The following HMGN5 variants were observed in gnomAD, a reference collection of about 807,000 sequenced individuals.
HMGN5 encodes high mobility group nucleosome-binding domain-containing protein 5.
In HMGN5, 4 loss-of-function variants were observed where a neutral mutation model predicts 9.5. The ratio of observed to expected loss-of-function variants is 0.42; its 90% CI spans 0.21 to 0.96. The LOEUF (loss-of-function observed/expected upper bound fraction) is 0.96. HMGN5 is among the 40% of genes least tolerant of loss of function. HMGN5 has a pLI of 0.30. For missense variants in HMGN5, 192 were observed against 187.5 expected (o/e 1.02, Z -0.14); for synonymous variants, 55 against 57.1 (o/e 0.96, Z 0.16).
At chrX:81,164,640 C>A (rs2075406446) in intron 1 of HMGN5, among the ~76,000 whole-genome samples, 1 of 111,216 alleles carries the variant, frequency 9.0e-6, no homozygotes, top group Non-Finnish European at 1.9e-5. Context: ...AGGCAACTGG[C>A]AAATTTGTAT....
rs189493339 is a variant in HMGN5 at position 81,192,683 on chromosome X, T to C, written c.-124+9054A>G. On this transcript the variant is annotated intron_variant, in intron 1 of 6. Coordinates refer to ENST00000358130, the MANE Select transcript of HMGN5 (RefSeq NM_030763.3). The stretch of plus-strand genomic sequence containing the variant: ...ACTTTGGTGAATAATTCTCTTTTGT[T>C]TATATGAAAGTGTCTTTATTTCACA... 1.5e-4 allele frequency among the ~76,000 whole-genome samples: 17 copies of C among 112,331 alleles called. No homozygotes were observed. In the East Asian group the frequency reaches 3.3e-3, roughly 22 times the overall value.
At chrX:81,134,000 A>T (rs1027554418) in intron 1 of HMGN5, among the ~76,000 whole-genome samples, 5 of 111,893 alleles carry the variant, frequency 4.5e-5, no homozygotes, top group African/African-American at 1.6e-4. Context: ...TGTTTTTATT[A>T]TAATGAGCAT....
intron 1 of HMGN5, among the ~76,000 whole-genome samples, chrX:81,163,938 G>T (rs985674444): frequency 9.0e-6 from 1 of 111,361 alleles, no homozygotes. Context: ...GCATGGCAAA[G>T]AACTAAGGAA....
intron 1 of HMGN5, among the ~76,000 whole-genome samples, chrX:81,155,136 T>C (rs2075379615): frequency 1.0e-5 from 1 of 99,519 alleles, no homozygotes; most frequent in African/African-American, 3.7e-5. Context: ...TATATATATA[T>C]ACTCTTAAAA....
At chrX:81,126,716 TTAAATTTATTTATATACA>T (rs2075284739) in intron 1 of HMGN5, among the ~76,000 whole-genome samples, 1 of 111,684 alleles carries the variant, frequency 9.0e-6, no homozygotes, top group Non-Finnish European at 1.9e-5. Flanking sequence ...TCAGCTTCCC[TTAAATTTATTTATATACA>T]TAGTTATTGT....
chrX:81,178,366 G>T (rs1420193269), intron 1 of HMGN5, among the ~76,000 whole-genome samples: 1 of 111,173 alleles, frequency 9.0e-6, no homozygotes, highest in Non-Finnish European at 1.9e-5. Context: ...AATAAAAAAG[G>T]ATAAAGGGGA....
chrX:81,184,663 C>T (rs1231997432), intron 1 of HMGN5, among the ~76,000 whole-genome samples: 1 of 108,682 alleles, frequency 9.2e-6, no homozygotes, highest in Non-Finnish European at 1.9e-5. Context: ...GCTATGGTTT[C>T]CTATGCTTGT....
intron 1 of HMGN5, among the ~76,000 whole-genome samples, chrX:81,131,890 AG>A (rs1324613997): frequency 1.8e-5 from 2 of 111,199 alleles, no homozygotes; most frequent in Non-Finnish European, 3.8e-5. Context: ...AAAGAAATAA[AG>A]GGCATTCAAA....
chrX:81,116,320 T>C lies in HMGN5; in HGVS notation c.151A>G (p.Met51Val). Residue 51 changes from methionine (M) to valine (V), a missense_variant, in exon 6 of 7, where the codon ATG becomes GTG. Transcript: ENST00000358130. The stretch of plus-strand genomic sequence containing the variant: ...CTTGTATCTATGTTTTCTTCCATCA[T>C]ATCACTTTTTGTCTTCATTTTCTGC... The part of the protein sequence containing the change: ...SSRKMKTKSD[M>V]MEENIDTSAQ... 1 of 1,191,860 alleles carries C rather than the reference T, an allele frequency of 8.4e-7. No individual in the cohort carries two copies. Among genetic ancestry groups the C allele is most frequent in the Non-Finnish European group, 1.1e-6 (1 of 879,811 alleles).
rs775056938 is a variant in HMGN5, at chrX:81,200,762, C to T, written c.-124+975G>A. Among the ~76,000 whole-genome samples, 10 of 110,671 alleles carry T rather than the reference C, an allele frequency of 9.0e-5. No individual in the cohort carries two copies. The South Asian group carries it at 3.1e-3, about 34-fold the overall frequency. ...TAGGTGAAATACCTAATGTAAACAACGAGTTGATGGGTGCAGCAAACCAAC... is the reference window on the plus strand; with the variant it reads ...TAGGTGAAATACCTAATGTAAACAATGAGTTGATGGGTGCAGCAAACCAAC... On this transcript the variant is annotated intron_variant, in intron 1 of 6. Coordinates refer to ENST00000358130, the MANE Select transcript of HMGN5 (RefSeq NM_030763.3).
At chrX:81,117,408 C>A (rs1309609394) in intron 5 of HMGN5, among the ~76,000 whole-genome samples, 1 of 108,251 alleles carries the variant, frequency 9.2e-6, no homozygotes, top group Non-Finnish European at 1.9e-5. Context: ...GCATGCCCGG[C>A]TAATTTTTGT....
chrX:81,174,809 T>C (rs1193664062), intron 1 of HMGN5, among the ~76,000 whole-genome samples: 1 of 111,413 alleles, frequency 9.0e-6, no homozygotes, highest in Non-Finnish European at 1.9e-5. Context: ...GAAATAGAAG[T>C]GTTCTTTTCT....
intron 5 of HMGN5, 36 bp downstream of exon 5, chrX:81,118,395 AG>A (rs763126509): frequency 2.4e-5 from 23 of 977,353 alleles, no homozygotes; most frequent in Non-Finnish European, 2.8e-5. Context: ...TGAAAAAAAA[AG>A]CAAATTTATT....
chrX:81,115,604 G>A (rs1246926157), intron 6 of HMGN5, among the ~76,000 whole-genome samples: 1 of 111,634 alleles, frequency 9.0e-6, no homozygotes, highest in Non-Finnish European at 1.9e-5. Flanking sequence ...ATAGTCCTTG[G>A]AAAATAACAT....
intron 1 of HMGN5, among the ~76,000 whole-genome samples, chrX:81,127,364 G>C: frequency 9.0e-6 from 1 of 111,586 alleles, no homozygotes; most frequent in Middle Eastern, 4.7e-3. Flanking sequence ...TCACTAGTGA[G>C]GGTTGATTAG....
intron 1 of HMGN5, among the ~76,000 whole-genome samples, chrX:81,196,528 G>T (rs1015819102): frequency 3.8e-5 from 4 of 105,198 alleles, no homozygotes; most frequent in Non-Finnish European, 7.9e-5. Flanking sequence ...GATCTCATGG[G>T]TTTTTTTTGT....
At chrX:81,136,393 T>A (rs1353213910) in intron 1 of HMGN5, among the ~76,000 whole-genome samples, 3 of 111,451 alleles carry the variant, frequency 2.7e-5, no homozygotes, top group Non-Finnish European at 5.7e-5. Flanking sequence ...GGCAATAGTA[T>A]TTAAAAAGTG....
chrX:81,149,808 A>C (rs1024669339), intron 1 of HMGN5, among the ~76,000 whole-genome samples: 1 of 112,066 alleles, frequency 8.9e-6, no homozygotes, highest in African/African-American at 3.2e-5. Flanking sequence ...AACAAGAGAC[A>C]AAGATGGTTA....
At chrX:81,138,291 C>T (rs1012472329) in intron 1 of HMGN5, among the ~76,000 whole-genome samples, 3 of 111,592 alleles carry the variant, frequency 2.7e-5, no homozygotes, top group African/African-American at 9.8e-5. Context: ...ACTGGTTGAA[C>T]ATTTGGCTCA....
Sources: allele counts gnomAD v4.1 joint callset (sites outside exome capture counted in the v4.1 genomes callset), GRCh38; gene constraint gnomAD v4.1.1; transcripts MANE v1.5; gene names NCBI Gene and HGNC (gene_info 2026-07-23, HGNC 2026-07-21).